CERS6: variants seen among roughly 807,000 people sequenced by gnomAD.
CERS6 encodes ceramide synthase 6, also known as LAG1 homolog, ceramide synthase 6.
CERS6 carries 26 observed loss-of-function variants against 56.8 expected under a neutral mutation model. That is an observed-to-expected ratio of 0.46 (90% CI 0.34 to 0.63). The LOEUF is 0.63. Ranked by LOEUF, CERS6 falls within the 30% of genes least tolerant of loss-of-function variation. The pLI, the probability that CERS6 is intolerant of heterozygous loss-of-function variation, is 0.01. For synonymous variants in CERS6, 164 were observed against 173.3 expected (o/e 0.95, Z 0.42); for missense variants, 415 against 467.5 (o/e 0.89, Z 1.04).
In CERS6 at chr2:168,474,454, A is replaced by G. The variant is rs531018283; in HGVS notation, c.170+17836A>G. The stretch of plus-strand genomic sequence containing the variant: ...ATTATACCAATTGACATCCCTACCA[A>G]CGCAGTATGAGGAAATGCATTCCTC... On this transcript the variant is annotated intron_variant, in intron 1 of 9. Coordinates refer to ENST00000305747, the MANE Select transcript of CERS6 (RefSeq NM_203463.3). Among the ~76,000 whole-genome samples the G allele has an allele frequency of 9.8e-5, 15 of 152,326 alleles. No individual in the cohort carries two copies. In the East Asian group the frequency reaches 2.1e-3, roughly 22 times the overall value.
intron 8 of CERS6, among the ~76,000 whole-genome samples, chr2:168,730,780 T>G (rs1683508526): frequency 6.6e-6 from 1 of 152,196 alleles, no homozygotes; most frequent in African/African-American, 2.4e-5. Context: ...TAAGACTACT[T>G]TATATTCTAC....
At chr2:168,725,442 C>T (rs965030880) in intron 8 of CERS6, among the ~76,000 whole-genome samples, 1 of 152,256 alleles carries the variant, frequency 6.6e-6, no homozygotes, top group Non-Finnish European at 1.5e-5. Context: ...GTGAGGACTG[C>T]CAGCACGCTG....
chr2:168,491,534 T>G (rs1179475857), intron 1 of CERS6, among the ~76,000 whole-genome samples: 2 of 152,220 alleles, frequency 1.3e-5, no homozygotes, highest in Non-Finnish European at 2.9e-5. Context: ...GTAAATACTT[T>G]AAACAATAGG....
intron 1 of CERS6, among the ~76,000 whole-genome samples, chr2:168,526,361 T>C (rs1490393459): frequency 6.6e-6 from 1 of 152,166 alleles, no homozygotes; most frequent in Non-Finnish European, 1.5e-5. Flanking sequence ...GGGGATATTC[T>C]CCTAGAAGCA....
intron 4 of CERS6, among the ~76,000 whole-genome samples, chr2:168,652,972 A>T (rs192809777): frequency 6.6e-6 from 1 of 152,212 alleles, no homozygotes; most frequent in Non-Finnish European, 1.5e-5. Context: ...CCATAGACAT[A>T]TTTGTCCAAC....
At chr2:168,467,217 A>C (rs1381797420) in intron 1 of CERS6, among the ~76,000 whole-genome samples, 1 of 152,234 alleles carries the variant, frequency 6.6e-6, no homozygotes, top group Non-Finnish European at 1.5e-5. Flanking sequence ...CCAGGGACAC[A>C]GTTTGGCAAG....
intron 6 of CERS6, among the ~76,000 whole-genome samples, chr2:168,702,111 A>T (rs918753107): frequency 6.6e-6 from 1 of 152,146 alleles, no homozygotes; most frequent in African/African-American, 2.4e-5. Flanking sequence ...TCCATTTTTT[A>T]AAAAGTTTTC....
intron 2 of CERS6, among the ~76,000 whole-genome samples, chr2:168,558,323 T>C (rs2105379431): frequency 6.6e-6 from 1 of 152,352 alleles, no homozygotes; most frequent in African/African-American, 2.4e-5. Context: ...TAGCATTGTT[T>C]ATAGAACAAG....
At chr2:168,567,295 A>G (rs981796307) in intron 3 of CERS6, among the ~76,000 whole-genome samples, 4 of 152,170 alleles carry the variant, frequency 2.6e-5, no homozygotes, top group Non-Finnish European at 5.9e-5. Flanking sequence ...ATTACCTTAA[A>G]CAGTTTTATA....
At chr2:168,664,695 A>C (rs529307701) in intron 4 of CERS6, among the ~76,000 whole-genome samples, 5 of 152,302 alleles carry the variant, frequency 3.3e-5, no homozygotes, top group South Asian at 4.1e-4. Context: ...TGTAGCAGTG[A>C]GGATGCCCAG....
intron 1 of CERS6, among the ~76,000 whole-genome samples, chr2:168,505,403 A>G (rs1343520727): frequency 2.2e-4 from 31 of 139,464 alleles, no homozygotes; most frequent in African/African-American, 5.0e-4. Context: ...AAAAAAAAAG[A>G]AAAAAAAAGA....
At chr2:168,657,514 G>A (rs192249301) in intron 4 of CERS6, among the ~76,000 whole-genome samples, 1,683 of 152,348 alleles carry the variant, frequency 0.011, 36 homozygotes, top group African/African-American at 0.036. Context: ...GGAGGCTCGG[G>A]CCACACAGGA....
At chr2:168,582,575 GA>G (rs201521972) in intron 3 of CERS6, among the ~76,000 whole-genome samples, 8 of 149,448 alleles carry the variant, frequency 5.4e-5, no homozygotes, top group Admixed American at 3.3e-4. Context: ...ATCTAGTACT[GA>G]AAAAAAAACG....
rs1695780602 is a variant in CERS6 at position 168,561,238 on chromosome 2, G to T, written c.323G>T (p.Trp108Leu). The stretch of plus-strand genomic sequence containing the variant: ...GAAGGCCTCTCCAAGCAACTGGACT[G>T]GGATGTTCGAAGCATTCAGCGCTGG... ...RLEGLSKQLD[W>L]DVRSIQRWFR... The change falls in exon 3 of 10, where the codon TGG becomes TTG. Residue 108 changes from tryptophan to leucine, a missense_variant. By Grantham distance (61) the Trp-to-Leu change is moderately conservative. Coordinates refer to ENST00000305747, the MANE Select transcript of CERS6 (RefSeq NM_203463.3). 6.2e-7 allele frequency: 1 copy of T among 1,614,080 alleles called. No homozygotes were observed. Among genetic ancestry groups the T allele is most frequent in the Non-Finnish European group, 8.5e-7 (1 of 1,179,914 alleles).
chr2:168,484,900 G>A (rs775011821), intron 1 of CERS6, among the ~76,000 whole-genome samples: 39 of 152,148 alleles, frequency 2.6e-4, no homozygotes, highest in Non-Finnish European at 4.9e-4. Flanking sequence ...CTGAAATAAC[G>A]CTTCATATTC....
intron 4 of CERS6, among the ~76,000 whole-genome samples, chr2:168,688,426 AAAAAG>A (rs1279403298): frequency 9.9e-5 from 15 of 152,004 alleles, no homozygotes; most frequent in Admixed American, 7.2e-4. Context: ...AAAAAAAAAA[AAAAAG>A]AAGTTATGCC....
intron 8 of CERS6, among the ~76,000 whole-genome samples, chr2:168,758,172 G>A (rs1394447887): frequency 6.6e-6 from 1 of 152,184 alleles, no homozygotes; most frequent in Non-Finnish European, 1.5e-5. Flanking sequence ...TTTATGTTTT[G>A]TGTAGGTCAA....
chr2:168,740,492 G>C (rs1265544871), intron 8 of CERS6, among the ~76,000 whole-genome samples: 1 of 152,164 alleles, frequency 6.6e-6, no homozygotes, highest in African/African-American at 2.4e-5. Context: ...GGAGGGCAGA[G>C]ACATGAATCA....
chr2:168,729,009 C>CAA (rs757181111), intron 8 of CERS6, among the ~76,000 whole-genome samples: 2,774 of 59,546 alleles, frequency 0.047, 68 homozygotes, highest in African/African-American at 0.079. Context: ...GACTCTGTCT[C>CAA]AAAAAAAAAA....
Sources: allele counts gnomAD v4.1 joint callset (sites outside exome capture counted in the v4.1 genomes callset), GRCh38; gene constraint gnomAD v4.1.1; transcripts MANE v1.5; gene names NCBI Gene and HGNC (gene_info 2026-07-23, HGNC 2026-07-21).